CD300A: variants seen among roughly 807,000 people sequenced by gnomAD.
CD300A encodes the protein CD300a molecule, also known as CMRF35-like molecule 8.
Under a neutral mutation model 33.6 loss-of-function variants are expected in CD300A, and 22 were observed. The observed-to-expected ratio is 0.66, with a 90% CI of 0.47 to 0.94. The LOEUF is 0.94. Ranked by LOEUF, CD300A falls within the 40% of genes least tolerant of loss-of-function variation. The probability of loss-of-function intolerance (pLI) is 0.00; values close to 1 mark genes in which losing one functional copy is unlikely to be tolerated. For synonymous variants in CD300A, 136 were observed against 148.1 expected, an observed-to-expected ratio of 0.92 and a Z score of 0.59; for missense variants, 326 against 360.5, an observed-to-expected ratio of 0.90 and a Z score of 0.77.
intron 4 of CD300A, 64 bp downstream of exon 4, chr17:74,477,594 C>T: frequency 9.5e-7 from 1 of 1,055,328 alleles, no homozygotes; most frequent in Admixed American, 1.9e-5. Context: ...CACAGACGCT[C>T]ATCTTCAAAG....
chr17:74,474,513 C>T lies in CD300A; in HGVS notation c.380-19C>T. 1 of 1,613,166 alleles carries T rather than the reference C, an allele frequency of 6.2e-7. No individual in the cohort carries two copies. Among genetic ancestry groups the T allele is most frequent in the Non-Finnish European group, 8.5e-7 (1 of 1,179,406 alleles). ...CCAGAGGACAGCTCCCTGGGTCTGA[C>T]TTGTGGTTTTGCCACCAGCATCAAC... On this transcript the variant is annotated intron_variant, in intron 2 of 6. Transcript: ENST00000360141.
chr17:74,468,045 A>AT (rs1555636728), intron 1 of CD300A, among the ~76,000 whole-genome samples: 1 of 132,896 alleles, frequency 7.5e-6, no homozygotes, highest in African/African-American at 3.3e-5. Context: ...TTATTTATTT[A>AT]TTTTTTGAGA....
In CD300A at chr17:74,473,879, G is replaced by A; in HGVS notation, c.379+5G>A. 1 of 1,607,602 alleles carries A rather than the reference G, an allele frequency of 6.2e-7. No homozygotes were observed. Among genetic ancestry groups the A allele is most frequent in the East Asian group, 2.2e-5 (1 of 44,694 alleles). Reference sequence around the variant, plus strand: ...TTGAGGTGTCCGTGTTCCCGGGTGAGCCCCTCCTTCCCTCAGCGCCTAAAT... The same window carrying A: ...TTGAGGTGTCCGTGTTCCCGGGTGAACCCCTCCTTCCCTCAGCGCCTAAAT... On this transcript the variant is annotated splice_donor_5th_base_variant and intron_variant, in intron 2 of 6. Coordinates refer to ENST00000360141, the MANE Select transcript of CD300A (RefSeq NM_007261.4).
intron 6 of CD300A, 53 bp downstream of exon 6, chr17:74,481,886 C>T: frequency 7.2e-7 from 1 of 1,387,436 alleles, no homozygotes. Context: ...TGTGCCAGGG[C>T]ACCCCTGGGA....
rs915500718 is a variant in CD300A, at chr17:74,484,300, C to T, written c.*174C>T. 24 of 622,216 alleles carry T rather than the reference C, an allele frequency of 3.9e-5. No homozygotes were observed. Among genetic ancestry groups the T allele is most frequent in the African/African-American group, 5.6e-5 (3 of 53,780 alleles). The allele number at this position is 622,216 out of a possible 1,614,324, so 38.5% of individuals were successfully genotyped here. ...TTGCCATCAGCTTGATTGGCTTCCCCGAGGGCCAGCAGGGCTGGGGGCTCC... is the reference window on the plus strand; with the variant it reads ...TTGCCATCAGCTTGATTGGCTTCCCTGAGGGCCAGCAGGGCTGGGGGCTCC... On this transcript the variant is annotated 3_prime_UTR_variant, in exon 7 of 7. Coordinates refer to ENST00000360141, the MANE Select transcript of CD300A (RefSeq NM_007261.4).
At chr17:74,469,509 G>T (rs1427841366) in intron 1 of CD300A, among the ~76,000 whole-genome samples, 1 of 151,916 alleles carries the variant, frequency 6.6e-6, no homozygotes, top group Non-Finnish European at 1.5e-5. Flanking sequence ...TTTATTTTTG[G>T]TCTGACTACC....
At chr17:74,470,281 G>A (rs1001889677) in intron 1 of CD300A, 15 of 935,254 alleles carry the variant, frequency 1.6e-5, no homozygotes, top group South Asian at 5.1e-5. Context: ...CTGACACTTC[G>A]CAATCTCTAA....
chr17:74,483,405 T>C (rs1472289675), intron 6 of CD300A, among the ~76,000 whole-genome samples: 1 of 151,042 alleles, frequency 6.6e-6, no homozygotes, highest in Non-Finnish European at 1.5e-5. Context: ...GTCGCCAGGC[T>C]GGAGAGCAGT....
rs1907098667 is a variant in CD300A at position 74,484,076 on chromosome 17, C to T, written c.850C>T (p.Pro284Ser). 1 of 1,614,060 alleles carries T rather than the reference C, an allele frequency of 6.2e-7. No individual in the cohort carries two copies. The highest frequency in any genetic ancestry group is 1.1e-5 in the South Asian group (1 of 91,082). The change falls in exon 7 of 7, where the codon CCT (proline) becomes TCT (serine). Residue 284 changes from proline (P) to serine (S), a missense_variant. Coordinates refer to ENST00000360141, the MANE Select transcript of CD300A (RefSeq NM_007261.4). ...CACCAACAGGATAGCTGCTCAGAGGCCTCGGGAGGAGGAACCAGATTCAGA... is the reference window on the plus strand; with the variant it reads ...CACCAACAGGATAGCTGCTCAGAGGTCTCGGGAGGAGGAACCAGATTCAGA... ...SNTNRIAAQR[P>S]REEEPDSDYS...
intron 5 of CD300A, 72 bp downstream of exon 5, chr17:74,481,398 A>G (rs1029290121): frequency 7.0e-7 from 1 of 1,418,796 alleles, no homozygotes; most frequent in African/African-American, 1.4e-5. Flanking sequence ...GGAGTTGGAC[A>G]GTCCCATCGG....
At chr17:74,473,924 TG>T in intron 2 of CD300A, 50 bp downstream of exon 2, 1 of 1,577,036 alleles carries the variant, frequency 6.3e-7, no homozygotes. Context: ...TTGGAATTGT[TG>T]GGGCAGGAAT....
At position 74,481,724 on chromosome 17, in the gene CD300A, A is replaced by G; in HGVS notation, c.667-2A>G. 1 of 1,605,116 alleles carries G rather than the reference A, an allele frequency of 6.2e-7. No homozygotes were observed. Among genetic ancestry groups the G allele is most frequent in the Admixed American group, 1.7e-5 (1 of 58,616 alleles). On this transcript the variant is annotated splice_acceptor_variant, in intron 5 of 6. Coordinates refer to ENST00000360141, the MANE Select transcript of CD300A (RefSeq NM_007261.4). LOFTEE classifies it high-confidence loss of function. ...CCCACCTGGGACCTCCTGCCCACCC[A>G]GGCTGCCACGCAGAGTGAGCTGCAC...
intron 5 of CD300A, 72 bp downstream of exon 5, chr17:74,481,398 A>T (rs1029290121): frequency 1.4e-6 from 2 of 1,418,796 alleles, no homozygotes; most frequent in Non-Finnish European, 2.0e-6. Context: ...GGAGTTGGAC[A>T]GTCCCATCGG....
chr17:74,479,025 G>C (rs1335180786), intron 4 of CD300A, among the ~76,000 whole-genome samples: 1 of 151,966 alleles, frequency 6.6e-6, no homozygotes, highest in Non-Finnish European at 1.5e-5. Flanking sequence ...AAAGTCTCTG[G>C]CTCCTCAAAG....
At chr17:74,466,925 G>A (rs1598443860) in intron 1 of CD300A, 182 bp downstream of exon 1, 1 of 1,452,114 alleles carries the variant, frequency 6.9e-7, no homozygotes, top group East Asian at 2.5e-5. Context: ...GGAGAGGAAG[G>A]AGCCAGGGCC....
chr17:74,476,043 T>G (rs1010830948), intron 3 of CD300A, among the ~76,000 whole-genome samples: 2 of 152,140 alleles, frequency 1.3e-5, no homozygotes, highest in African/African-American at 4.8e-5. Flanking sequence ...CTCAATATAT[T>G]TATCAACCAG....
chr17:74,472,951 G>A (rs1046825055), intron 1 of CD300A, among the ~76,000 whole-genome samples: 1 of 152,072 alleles, frequency 6.6e-6, no homozygotes, highest in African/African-American at 2.4e-5. Flanking sequence ...ATTACTGCCC[G>A]GGTTTGCCCC....
rs1567986907 is a variant in CD300A at position 74,484,269 on chromosome 17, C to A, written c.*143C>A. ...AGGCAGCTGGGTTTCCCAGGCCATC[C>A]CTCTGTTGCCATCAGCTTGATTGGC... On this transcript the variant is annotated 3_prime_UTR_variant, in exon 7 of 7. Transcript: ENST00000360141. The A allele has an allele frequency of 4.6e-6, 4 of 870,066 alleles. No homozygotes were observed. 53.9% of individuals were successfully genotyped at this position (870,066 alleles called of 1,614,324 possible). A position where few individuals can be genotyped will look rare whatever the true frequency, so the allele number is the denominator to read the frequency against.
At chr17:74,481,486 G>C in intron 5 of CD300A, 160 bp downstream of exon 5, 1 of 712,976 alleles carries the variant, frequency 1.4e-6, no homozygotes, top group Non-Finnish European at 2.4e-6. Flanking sequence ...ACTAGGTCTT[G>C]TTCTGAGTCC....
Sources: gnomAD v4.1 joint callset for allele counts (sites outside exome capture counted in the v4.1 genomes callset) on GRCh38, gnomAD v4.1.1 for gene constraint, MANE v1.5 for transcripts, NCBI Gene and HGNC (gene_info 2026-07-23, HGNC 2026-07-21) for gene names.